Variants in KMT2D observed in about 807,000 individuals in gnomAD.
The protein encoded by KMT2D is lysine methyltransferase 2D, also known as histone-lysine N-methyltransferase 2D.
A neutral mutation model predicts 512.7 loss-of-function variants in KMT2D; 55 were observed. That is an observed-to-expected ratio of 0.11 (90% CI 0.09 to 0.13). KMT2D has a LOEUF of 0.13. Ranked by LOEUF, KMT2D falls within the 10% of genes least tolerant of loss-of-function variation. The pLI, the probability that KMT2D is intolerant of heterozygous loss-of-function variation, is 1.00. For synonymous variants in KMT2D, 2,995 were observed against 2,904.0 expected, an observed-to-expected ratio of 1.03 and a Z score of -1.01; for missense variants, 6,061 against 7,127.9, an observed-to-expected ratio of 0.85 and a Z score of 5.39.
rs1341952241 is a variant in KMT2D at position 49,040,668 on chromosome 12, T to A, written c.7102A>T (p.Ile2368Phe). The A allele has an allele frequency of 1.2e-6, 2 of 1,613,642 alleles. No individual in the cohort carries two copies. Among genetic ancestry groups the A allele is most frequent in the South Asian group, 2.2e-5 (2 of 91,078 alleles). ...LAPSPPSHPDIFRPGSYTDPY... is the reference protein window; with the variant it reads ...LAPSPPSHPDFFRPGSYTDPY... ...TCAGTGTAGGAGCCAGGGCGAAAGA[T>A]GTCTGGGTGACTTGGAGGAGAAGGT... The change falls in exon 32 of 55, where the codon ATC becomes TTC. Residue 2368 changes from isoleucine to phenylalanine, a missense_variant. By Grantham distance (21) the Ile-to-Phe change is conservative. Transcript: ENST00000301067.
chr12:49,031,370 G>C lies in KMT2D; in HGVS notation c.13335C>G (p.Thr4445=), dbSNP rs2120419289. 1.2e-6 allele frequency: 2 copies of C among 1,613,592 alleles called. No individual in the cohort carries two copies. The highest frequency in any genetic ancestry group is 1.7e-6 in the Non-Finnish European group (2 of 1,179,892). ...GGCCTGCCAGCAGGAGGTGGTTGCT[G>C]GTTCCTGGTGCCCCTATTGGCTCCC... The part of the protein sequence containing the change: ...ANGEPIGAPG[T]SNHLLLAGPR... Residue 4445 remains threonine, a synonymous_variant, in exon 40 of 55, where the codon ACC becomes ACG. Transcript: ENST00000301067.
Position 49,040,947 on chromosome 12 carries a change from G to A in KMT2D, c.6823C>T (p.Pro2275Ser), listed in dbSNP as rs1943487467. The A allele has an allele frequency of 6.2e-7, 1 of 1,613,022 alleles. No individual in the cohort carries two copies. The highest frequency in any genetic ancestry group is 2.2e-5 in the East Asian group (1 of 44,866). The change falls in exon 32 of 55, where the codon CCC becomes TCC. Residue 2275 changes from proline (P) to serine (S), a missense_variant. Coordinates refer to ENST00000301067, the MANE Select transcript of KMT2D (RefSeq NM_003482.4). ...GGKASEPLLS[P>S]PPFGESRKAL... ...TTCCGGGACTCCCCAAAAGGTGGGGGCGAGAGCAGGGGCTCGGAAGCTTTG... is the reference window on the plus strand; with the variant it reads ...TTCCGGGACTCCCCAAAAGGTGGGGACGAGAGCAGGGGCTCGGAAGCTTTG...
intron 14 of KMT2D, 40 bp downstream of exon 14, chr12:49,048,619 A>G (rs1937703728): frequency 2.2e-6 from 3 of 1,340,186 alleles, no homozygotes; most frequent in African/African-American, 2.9e-5. Flanking sequence ...AAACACACAC[A>G]TACACAATGT....
intron 19 of KMT2D, among the ~76,000 whole-genome samples, chr12:49,045,451 G>A (rs937363004): frequency 6.6e-6 from 1 of 152,116 alleles, no homozygotes; most frequent in African/African-American, 2.4e-5. Context: ...AGACCATCCT[G>A]GCTAACACGG....
In KMT2D at chr12:49,037,179, G is replaced by A. The variant is rs2120475218; in HGVS notation, c.10177C>T (p.Pro3393Ser). 1 of 1,601,442 alleles carries A rather than the reference G, an allele frequency of 6.2e-7. No homozygotes were observed. The highest frequency in any genetic ancestry group is 1.1e-5 in the South Asian group (1 of 90,560). The change falls in exon 35 of 55, where the codon CCG (proline) becomes TCG (serine). Residue 3393 changes from proline (P) to serine (S), a missense_variant. This residue lies in a region of KMT2D where 533 missense variants were observed against 539.6 expected (regional missense o/e 0.99). Transcript: ENST00000301067. ...GTMPPSMCMK[P>S]QQLAMQQQLA... ...TGCTGCTGCATTGCCAATTGCTGCGGCTTCATGCACATGGAAGGTGGCATG... is the reference window on the plus strand; with the variant it reads ...TGCTGCTGCATTGCCAATTGCTGCGACTTCATGCACATGGAAGGTGGCATG...
chr12:49,038,616 G>A lies in KMT2D; in HGVS notation c.8740C>T (p.His2914Tyr), dbSNP rs1386859726. 1.2e-6 allele frequency: 2 copies of A among 1,612,900 alleles called. No individual in the cohort carries two copies. The highest frequency in any genetic ancestry group is 3.3e-5 in the Admixed American group (2 of 59,992). The change falls in exon 35 of 55, where the codon CAC (histidine) becomes TAC (tyrosine). Residue 2914 changes from histidine to tyrosine, a missense_variant. Physicochemically the swap from His to Tyr is moderately conservative, Grantham distance 83. This residue lies in a region of KMT2D where 527 missense variants were observed against 578.9 expected (regional missense o/e 0.91). Coordinates refer to ENST00000301067, the MANE Select transcript of KMT2D (RefSeq NM_003482.4). The surrounding 1 kb of genome is among the most constrained non-coding windows in gnomAD (Gnocchi z 5.7). ...PRFYPVSEDP[H>Y]RLAPEGLRGL... Reference sequence around the variant, plus strand: ...CGAAGCCCTTCAGGAGCCAGTCGGTGGGGGTCCTCACTTACAGGGTAAAAA... The same window carrying A: ...CGAAGCCCTTCAGGAGCCAGTCGGTAGGGGTCCTCACTTACAGGGTAAAAA...
chr12:49,042,443 A>C lies in KMT2D; in HGVS notation c.5868-113T>G. On this transcript the variant is annotated intron_variant, in intron 28 of 54. Transcript: ENST00000301067. The surrounding 1 kb of genome is among the most constrained non-coding windows in gnomAD (Gnocchi z 4.4). ...GCCCCAAAAGAGGAGGGTCACTAAC[A>C]AGGGAATGGGGAGGAGCAGGGGAAG... 1 of 1,508,672 alleles carries C rather than the reference A, an allele frequency of 6.6e-7. No homozygotes were observed. Among genetic ancestry groups the C allele is most frequent in the East Asian group, 2.5e-5 (1 of 40,740 alleles). The allele number at this position is 1,508,672 out of a possible 1,614,324, so 93.5% of individuals were successfully genotyped here.
chr12:49,043,508 C>T, intron 24 of KMT2D, 80 bp from the exon 25 acceptor site: 3 of 1,591,952 alleles, frequency 1.9e-6, no homozygotes, highest in South Asian at 1.1e-5. Context: ...CACAGCCCTA[C>T]AGGCCAGGAC....
In KMT2D at chr12:49,052,502, A is replaced by C. The variant is rs139300616; in HGVS notation, c.1258+62T>G. 905 of 1,587,562 alleles carry C rather than the reference A, an allele frequency of 5.7e-4. 5 individuals carry two copies. Among genetic ancestry groups the C allele is most frequent in the Non-Finnish European group, 7.0e-4 (815 of 1,161,786 alleles). ...AAGTGTGGGGTCTGGGGCAATGCAC[A>C]AACTGTCTCTTGCCATAGAATAAAA... On this transcript the variant is annotated intron_variant, in intron 10 of 54. Coordinates refer to ENST00000301067, the MANE Select transcript of KMT2D (RefSeq NM_003482.4).
chr12:49,055,459 A>G (rs754410277), intron 1 of KMT2D, 98 bp from the exon 2 acceptor site: 3 of 703,314 alleles, frequency 4.3e-6, no homozygotes, highest in East Asian at 2.7e-5. Context: ...CCCTCCAGAC[A>G]TCAGAGCAAA....
Position 49,054,030 on chromosome 12 carries a change from C to T in KMT2D, c.621G>A (p.Met207Ile), listed in dbSNP as rs1296202170. The T allele has an allele frequency of 6.2e-7, 1 of 1,613,852 alleles. No individual in the cohort carries two copies. Among genetic ancestry groups the T allele is most frequent in the African/African-American group, 1.3e-5 (1 of 74,916 alleles). Residue 207 changes from methionine (M) to isoleucine (I), a missense_variant, in exon 6 of 55, where the codon ATG (methionine) becomes ATA (isoleucine). By Grantham distance (10) the Met-to-Ile change is conservative (BLOSUM62 1). Coordinates refer to ENST00000301067, the MANE Select transcript of KMT2D (RefSeq NM_003482.4). This position sits in a 1 kb window ranked among gnomAD's most constrained non-coding sequence, Gnocchi z 6.4. The part of the protein sequence containing the change: ...CATASGSFLS[M>I]KTLQLLCPEH... ...CTGGGCATAGCAGCTGCAGTGTTTT[C>T]ATGGATAGGAAGGAACCGCTGGCAG...
chr12:49,030,397 G>T lies in KMT2D; in HGVS notation c.13882C>A (p.Pro4628Thr). The T allele has an allele frequency of 6.4e-7, 1 of 1,563,072 alleles. No individual in the cohort carries two copies. Among genetic ancestry groups the T allele is most frequent in the Non-Finnish European group, 8.7e-7 (1 of 1,148,872 alleles). Reference protein sequence around the residue: ...NPPTPPSSLPPTPPPSVQQKM... With the variant: ...NPPTPPSSLPTTPPPSVQQKM... ...TGCTGCACCGATGGGGGTGGGGTGG[G>T]GGGCAGCGACGAGGGTGGTGTCGGC... The change falls in exon 43 of 55, where the codon CCC (proline) becomes ACC (threonine). Residue 4628 changes from proline (P) to threonine (T), a missense_variant. Pro to Thr is a conservative substitution (Grantham distance 38, BLOSUM62 -1). Around this residue, in one of 16 missense-constraint regions of KMT2D, gnomAD observed 1,600 missense variants for 1,754.9 expected, o/e 0.91. Coordinates refer to ENST00000301067, the MANE Select transcript of KMT2D (RefSeq NM_003482.4).
chr12:49,030,400 GCA>G lies in KMT2D; in HGVS notation c.13877_13878del (p.Leu4626ProfsTer20). 7.5e-7 allele frequency: 1 copy of G among 1,325,008 alleles called. No individual in the cohort carries two copies. The highest frequency in any genetic ancestry group is 1.2e-5 in the South Asian group (1 of 84,576). 82.1% of individuals were successfully genotyped at this position (1,325,008 alleles called of 1,614,324 possible). A position where few individuals can be genotyped will look rare whatever the true frequency, so the allele number is the denominator to read the frequency against. On this transcript the variant is annotated frameshift_variant, in exon 43 of 55. Coordinates refer to ENST00000301067, the MANE Select transcript of KMT2D (RefSeq NM_003482.4). LOFTEE classifies it high-confidence loss of function. Reference protein sequence around the residue: ...LSNPPTPPSSLPPTPPPSVQQ... With the variant: ...LSNPPTPPSSXPPTPPPSVQQ... ...TGCACCGATGGGGGTGGGGTGGGGG[GCA>G]GCGACGAGGGTGGTGTCGGCGGGTT...
chr12:49,059,229 A>G (rs1938591846), intron 1 of KMT2D, among the ~76,000 whole-genome samples: 1 of 151,992 alleles, frequency 6.6e-6, no homozygotes, highest in Admixed American at 6.6e-5. Context: ...CACCATCCCA[A>G]GTTGCTCTGT....
In KMT2D at chr12:49,055,292, T is replaced by A. The variant is rs754250785; in HGVS notation, c.33A>T (p.Lys11Asn). The change falls in exon 2 of 55, where the codon AAA becomes AAT. Residue 11 changes from lysine to asparagine, a missense_variant. By Grantham distance (94) the Lys-to-Asn change is moderately conservative. Around this residue, in one of 16 missense-constraint regions of KMT2D, gnomAD observed 144 missense variants for 165.7 expected, o/e 0.87. Transcript: ENST00000301067. MDSQKLAGEDKDSEPAADGPA... is the reference protein window; with the variant it reads MDSQKLAGEDNDSEPAADGPA... Reference sequence around the variant, plus strand: ...CCTACTCACCTGCCGGTTCTGAATCTTTATCCTCACCAGCCAGCTTCTGGC... The same window carrying A: ...CCTACTCACCTGCCGGTTCTGAATCATTATCCTCACCAGCCAGCTTCTGGC... 2.9e-5 allele frequency: 47 copies of A among 1,613,924 alleles called. No individual in the cohort carries two copies. Among genetic ancestry groups the A allele is most frequent in the Non-Finnish European group, 3.5e-5 (41 of 1,179,872 alleles).
chr12:49,040,305 G>T lies in KMT2D; in HGVS notation c.7465C>A (p.Leu2489Met), dbSNP rs2120526507. 6.3e-7 allele frequency: 1 copy of T among 1,591,650 alleles called. No individual in the cohort carries two copies. Among genetic ancestry groups the T allele is most frequent in the Non-Finnish European group, 8.6e-7 (1 of 1,168,228 alleles). The part of the protein sequence containing the change: ...FKAGSLAHTS[L>M]GAGGFPAALP... ...GCTGCTGGGAACCCCCCAGCCCCCA[G>T]CGAAGTGTGGGCTAGAGACCCAGCC... The change falls in exon 32 of 55, where the codon CTG becomes ATG. Residue 2489 changes from leucine (L) to methionine (M), a missense_variant. Transcript: ENST00000301067.
rs886042207 is a variant in KMT2D, at chr12:49,026,982, G to C, written c.14984C>G (p.Thr4995Ser). The change falls in exon 49 of 55, where the codon ACC becomes AGC. Residue 4995 changes from threonine (T) to serine (S), a missense_variant. This residue lies in a region of KMT2D where 1,600 missense variants were observed against 1,754.9 expected (regional missense o/e 0.91). Coordinates refer to ENST00000301067, the MANE Select transcript of KMT2D (RefSeq NM_003482.4). The surrounding 1 kb of genome is among the most constrained non-coding windows in gnomAD (Gnocchi z 9.6). ...VRWKRLRLLL[T>S]IQKGSGRQED... Reference sequence around the variant, plus strand: ...CTGCCGCCCACTGCCCTTCTGGATGGTCAGCAGCAGCCGAAGCCGCTTCCA... The same window carrying C: ...CTGCCGCCCACTGCCCTTCTGGATGCTCAGCAGCAGCCGAAGCCGCTTCCA... 4 of 1,613,914 alleles carry C rather than the reference G, an allele frequency of 2.5e-6. No homozygotes were observed. The Admixed American group carries it at 5.0e-5, about 20-fold the overall frequency.
At position 49,050,607 on chromosome 12, in the gene KMT2D, T is replaced by G. The variant is rs1431224795; in HGVS notation, c.2981A>C (p.Glu994Ala). ...GGGAAGGATCATAGGGGGGACAGGCTCAGGGTCAGTGCAGTTAGCTTCTGG... is the reference window on the plus strand; with the variant it reads ...GGGAAGGATCATAGGGGGGACAGGCGCAGGGTCAGTGCAGTTAGCTTCTGG... ...PPPEANCTDPEPVPPMILPPS... is the reference protein window; with the variant it reads ...PPPEANCTDPAPVPPMILPPS... Residue 994 changes from glutamate to alanine, a missense_variant, in exon 12 of 55, where the codon GAG (glutamate) becomes GCG (alanine). Transcript: ENST00000301067. 1 of 1,609,250 alleles carries G rather than the reference T, an allele frequency of 6.2e-7. No individual in the cohort carries two copies. Among genetic ancestry groups the G allele is most frequent in the Non-Finnish European group, 8.5e-7 (1 of 1,176,866 alleles).
At position 49,019,140 on chromosome 12, in the gene KMT2D, G is replaced by C. The variant is rs1002031876; in HGVS notation, c.*2640C>G. On this transcript the variant is annotated 3_prime_UTR_variant, in exon 55 of 55. Coordinates refer to ENST00000301067, the MANE Select transcript of KMT2D (RefSeq NM_003482.4). ...GGGGCGCTGAGGGTGGAGGGAGAGA[G>C]GGCGCTTTAAAAAAGGGAACCATTT... is the stretch of plus-strand genomic sequence containing the variant. 2.6e-6 allele frequency: 3 copies of C among 1,135,188 alleles called. No homozygotes were observed. The African/African-American group carries it at 4.8e-5, about 18-fold the overall frequency. 70.3% of individuals were successfully genotyped at this position (1,135,188 alleles called of 1,614,324 possible).
Sources: gnomAD v4.1 joint callset for allele counts (sites outside exome capture counted in the v4.1 genomes callset) on GRCh38, gnomAD v4.1.1 for gene constraint, gnomAD v4.1.1 regional missense constraint, Gnocchi (gnomAD v3.1) non-coding constraint, MANE v1.5 for transcripts, NCBI Gene and HGNC (gene_info 2026-07-23, HGNC 2026-07-21) for gene names.